SLC9A2: variants seen among roughly 807,000 people sequenced by gnomAD.
SLC9A2 encodes solute carrier family 9 member A2.
SLC9A2 carries 42 observed loss-of-function variants against 71.7 expected under a neutral mutation model. The ratio of observed to expected loss-of-function variants is 0.59; its 90% CI spans 0.46 to 0.76. The LOEUF is 0.76. Among genes scored for constraint, SLC9A2 ranks in the 30% least tolerant of loss-of-function variants. The pLI, the probability that SLC9A2 is intolerant of heterozygous loss-of-function variation, is 0.00. For missense variants in SLC9A2, 829 were observed against 1,017.4 expected (o/e 0.81, Z 2.52); for synonymous variants, 396 against 392.5 (o/e 1.01, Z -0.10).
At chr2:102,648,454 C>T (rs775701645) in intron 1 of SLC9A2, among the ~76,000 whole-genome samples, 9 of 152,164 alleles carry the variant, frequency 5.9e-5, no homozygotes, top group East Asian at 1.9e-4. Context: ...TGCCCTCTCT[C>T]GCCACTCCCA....
chr2:102,654,432 G>T (rs746752957), intron 1 of SLC9A2, among the ~76,000 whole-genome samples: 2 of 152,092 alleles, frequency 1.3e-5, no homozygotes, highest in Non-Finnish European at 2.9e-5. Flanking sequence ...GGAGCCTTTT[G>T]TAGTATAAAT....
intron 1 of SLC9A2, among the ~76,000 whole-genome samples, chr2:102,640,954 T>A (rs1356026037): frequency 6.6e-6 from 1 of 152,204 alleles, no homozygotes. Flanking sequence ...ACACGAAGAC[T>A]GAATATTATA....
At chr2:102,636,891 C>A (rs560376449) in intron 1 of SLC9A2, among the ~76,000 whole-genome samples, 1 of 152,284 alleles carries the variant, frequency 6.6e-6, no homozygotes, top group Admixed American at 6.5e-5. Context: ...TCTGTAACTC[C>A]TCCTAAACAC....
chr2:102,639,603 T>G (rs1393955672), intron 1 of SLC9A2, among the ~76,000 whole-genome samples: 1 of 152,250 alleles, frequency 6.6e-6, no homozygotes, highest in East Asian at 1.9e-4. Context: ...TCAGTGGCAT[T>G]GAGTACATTA....
chr2:102,631,995 GATATATATATATATATATAT>G lies in SLC9A2; in HGVS notation c.289+11882_289+11901del, dbSNP rs59553931. ...CTTCCATTTAATTAATGAAAGTGGGGATATATATATATATATATATATATATATATATATATATATATACA... is the reference window on the plus strand; with the variant it reads ...CTTCCATTTAATTAATGAAAGTGGGGATATATATATATATATATATATACA... On this transcript the variant is annotated intron_variant, in intron 1 of 11. Coordinates refer to ENST00000233969, the MANE Select transcript of SLC9A2 (RefSeq NM_003048.6). Among the ~76,000 whole-genome samples, 128 of 43,250 alleles carry G rather than the reference GATATATATATATATATATAT, an allele frequency of 3.0e-3. 4 individuals are homozygous for G. The highest frequency in any genetic ancestry group is 4.1e-3 in the Admixed American group (13 of 3,154). The allele number at this position is 43,250 out of a possible 152,430, so 28.4% of individuals were successfully genotyped here. A position where few individuals can be genotyped will look rare whatever the true frequency, so the allele number is the denominator to read the frequency against.
rs192970690 is a variant in SLC9A2, at chr2:102,645,809, G to A, written c.290-11755G>A. Among the ~76,000 whole-genome samples the A allele has an allele frequency of 9.7e-4, 148 of 152,266 alleles. 2 individuals carry two copies. The East Asian group carries it at 0.026, about 26-fold the overall frequency. ...CAAGAAATATGGGACTATGTGAAAA[G>A]ACCAAACCTATGATTGATTGGTGTG... On this transcript the variant is annotated intron_variant, in intron 1 of 11. Coordinates refer to ENST00000233969, the MANE Select transcript of SLC9A2 (RefSeq NM_003048.6).
intron 3 of SLC9A2, among the ~76,000 whole-genome samples, chr2:102,674,734 C>T (rs555759322): frequency 3.3e-5 from 5 of 152,144 alleles, no homozygotes; most frequent in Admixed American, 1.3e-4. Flanking sequence ...CTGGCTCATG[C>T]GAATAAATAC....
At chr2:102,656,498 G>A (rs10178585) in intron 1 of SLC9A2, among the ~76,000 whole-genome samples, 48,716 of 152,050 alleles carry the variant, frequency 0.32, 8,363 homozygotes, top group East Asian at 0.53. Flanking sequence ...AGAGTAAGTC[G>A]TAAATACATT....
At chr2:102,679,544 G>C (rs1192083226) in intron 3 of SLC9A2, among the ~76,000 whole-genome samples, 1 of 151,964 alleles carries the variant, frequency 6.6e-6, no homozygotes, top group Non-Finnish European at 1.5e-5. Flanking sequence ...ACCACACCCA[G>C]CTAATTTTTT....
chr2:102,687,659 A>G (rs13423778), intron 5 of SLC9A2, among the ~76,000 whole-genome samples: 33,715 of 152,156 alleles, frequency 0.22, 3,995 homozygotes, highest in East Asian at 0.34. Context: ...ATGATGCATT[A>G]TTTGATATCA....
At chr2:102,625,666 C>G (rs1369327531) in intron 1 of SLC9A2, among the ~76,000 whole-genome samples, 1 of 152,146 alleles carries the variant, frequency 6.6e-6, no homozygotes, top group Non-Finnish European at 1.5e-5. Context: ...TTTTTTACAG[C>G]TGCATAGTAT....
chr2:102,654,519 A>C (rs1301555892), intron 1 of SLC9A2, among the ~76,000 whole-genome samples: 6 of 152,152 alleles, frequency 3.9e-5, no homozygotes. Context: ...AAACCTTTTC[A>C]AATTTTTACA....
intron 3 of SLC9A2, among the ~76,000 whole-genome samples, chr2:102,673,801 T>G (rs1484154998): frequency 6.6e-6 from 1 of 151,966 alleles, no homozygotes; most frequent in Non-Finnish European, 1.5e-5. Context: ...TTTTTTTTTT[T>G]TTTGAGACCG....
chr2:102,684,266 C>T lies in SLC9A2; in HGVS notation c.1355C>T (p.Ala452Val). ...GCGTTAGTGTTTCTCCTTCCTGCTG[C>T]TGTGTTTCCTCGGAAAAAATTGTTT... ...CFALVFLLPAAVFPRKKLFIT... is the reference protein window; with the variant it reads ...CFALVFLLPAVVFPRKKLFIT... Residue 452 changes from alanine (A) to valine (V), a missense_variant, in exon 5 of 12, where the codon GCT (alanine) becomes GTT (valine). By Grantham distance (64) the Ala-to-Val change is moderately conservative. Transcript: ENST00000233969. The T allele has an allele frequency of 6.2e-7, 1 of 1,614,186 alleles. No homozygotes were observed. The highest frequency in any genetic ancestry group is 8.5e-7 in the Non-Finnish European group (1 of 1,180,026).
chr2:102,668,622 G>T (rs895956939), intron 3 of SLC9A2, among the ~76,000 whole-genome samples: 1 of 152,216 alleles, frequency 6.6e-6, no homozygotes, highest in African/African-American at 2.4e-5. Context: ...TACTGAGAAT[G>T]CTCAGGACTT....
chr2:102,633,263 C>G (rs1355762499), intron 1 of SLC9A2, among the ~76,000 whole-genome samples: 1 of 152,002 alleles, frequency 6.6e-6, no homozygotes, highest in Non-Finnish European at 1.5e-5. Context: ...GTAACTTGTC[C>G]AAGGTGTCAG....
intron 6 of SLC9A2, among the ~76,000 whole-genome samples, chr2:102,694,825 G>T (rs1457781776): frequency 1.3e-5 from 2 of 152,108 alleles, no homozygotes. Flanking sequence ...CAAACTTATA[G>T]GTGAGCAAAA....
At chr2:102,633,482 T>G (rs1676413009) in intron 1 of SLC9A2, among the ~76,000 whole-genome samples, 2 of 152,180 alleles carry the variant, frequency 1.3e-5, no homozygotes, top group South Asian at 4.1e-4. Flanking sequence ...AGTCTCAGAT[T>G]GCCATTGTAA....
chr2:102,673,913 G>A (rs1459312129), intron 3 of SLC9A2, among the ~76,000 whole-genome samples: 3 of 151,320 alleles, frequency 2.0e-5, no homozygotes, highest in Admixed American at 1.3e-4. Flanking sequence ...TCAGCTGCCC[G>A]AGCAGCTGGG....
Sources: gnomAD v4.1 joint callset for allele counts (sites outside exome capture counted in the v4.1 genomes callset) on GRCh38, gnomAD v4.1.1 for gene constraint, MANE v1.5 for transcripts, NCBI Gene and HGNC (gene_info 2026-07-23, HGNC 2026-07-21) for gene names.